CSMD1: variants seen among roughly 807,000 people sequenced by gnomAD.
CSMD1 encodes CUB and Sushi multiple domains 1, also known as CUB and sushi domain-containing protein 1.
CSMD1 carries 213 observed loss-of-function variants against 417.5 expected under a neutral mutation model. The ratio of observed to expected loss-of-function variants is 0.51; its 90% CI spans 0.46 to 0.57. The LOEUF (loss-of-function observed/expected upper bound fraction) is 0.57. CSMD1 is among the 20% of genes least tolerant of loss of function. The probability of loss-of-function intolerance (pLI) is 0.00; values close to 1 mark genes in which losing one functional copy is unlikely to be tolerated. For missense variants in CSMD1, 6,923 were observed against 4,529.7 expected (o/e 1.53, Z -15.17); for synonymous variants, 2,862 against 1,736.8 (o/e 1.65, Z -16.11).
intron 43 of CSMD1, among the ~76,000 whole-genome samples, chr8:3,109,096 C>T (rs1488713981): frequency 6.6e-6 from 1 of 152,120 alleles, no homozygotes; most frequent in East Asian, 1.9e-4. Flanking sequence ...GAAACCCTGT[C>T]TCTACTAAAA....
intron 2 of CSMD1, among the ~76,000 whole-genome samples, chr8:4,483,841 A>C (rs1163100755): frequency 1.3e-5 from 2 of 152,162 alleles, no homozygotes; most frequent in Non-Finnish European, 2.9e-5. Flanking sequence ...AAAATAACAA[A>C]ATATTTCTGG....
intron 3 of CSMD1, among the ~76,000 whole-genome samples, chr8:4,051,308 C>CAAAAAAAAAAAAAAA (rs5889012): frequency 7.1e-6 from 1 of 140,512 alleles, no homozygotes; most frequent in East Asian, 2.1e-4. Context: ...TTTGAAGACT[C>CAAAAAAAAAAAAAAA]AAAAAAAAAA....
chr8:3,342,597 C>G (rs17320990), intron 23 of CSMD1, among the ~76,000 whole-genome samples: 2 of 152,064 alleles, frequency 1.3e-5, no homozygotes, highest in Admixed American at 1.3e-4. Flanking sequence ...ACTTTTGAAA[C>G]ACAGCATCTC....
chr8:3,642,617 C>T (rs1797363543), intron 7 of CSMD1, among the ~76,000 whole-genome samples: 1 of 152,060 alleles, frequency 6.6e-6, no homozygotes, highest in East Asian at 1.9e-4. Flanking sequence ...AACCTGGCAT[C>T]GTGAGTGGAA....
At chr8:3,302,209 G>A (rs1057339733) in intron 25 of CSMD1, among the ~76,000 whole-genome samples, 1 of 152,184 alleles carries the variant, frequency 6.6e-6, no homozygotes, top group East Asian at 1.9e-4. Context: ...GAGGAGAGAT[G>A]TCAGGGAAGT....
chr8:3,615,947 T>C (rs1014880128), intron 8 of CSMD1, among the ~76,000 whole-genome samples: 1 of 152,224 alleles, frequency 6.6e-6, no homozygotes, highest in African/African-American at 2.4e-5. Flanking sequence ...ATCACTACTG[T>C]ATTCATAATG....
chr8:2,968,706 C>G (rs1656356608), intron 57 of CSMD1, among the ~76,000 whole-genome samples: 1 of 151,334 alleles, frequency 6.6e-6, no homozygotes, highest in African/African-American at 2.4e-5. Context: ...TAAGACAGGA[C>G]TAAGACTAAA....
chr8:3,801,376 T>C (rs1264281723), intron 5 of CSMD1, among the ~76,000 whole-genome samples: 1 of 152,142 alleles, frequency 6.6e-6, no homozygotes, highest in Non-Finnish European at 1.5e-5. Context: ...AGATCATTAG[T>C]CATTTAAGAA....
intron 7 of CSMD1, among the ~76,000 whole-genome samples, chr8:3,662,623 T>A (rs923141074): frequency 6.6e-6 from 1 of 152,154 alleles, no homozygotes; most frequent in African/African-American, 2.4e-5. Context: ...CACACTGTCT[T>A]CCAGAATGGT....
intron 5 of CSMD1, among the ~76,000 whole-genome samples, chr8:3,781,671 G>A (rs1199041225): frequency 6.6e-6 from 1 of 152,182 alleles, no homozygotes; most frequent in East Asian, 1.9e-4. Flanking sequence ...CAGGTGCCTA[G>A]GTTTCCATCC....
intron 3 of CSMD1, among the ~76,000 whole-genome samples, chr8:4,236,026 G>GTTTTTTTTT (rs147378202): frequency 8.3e-5 from 9 of 108,126 alleles, no homozygotes; most frequent in African/African-American, 3.8e-4. Flanking sequence ...AATGGATATT[G>GTTTTTTTTT]TTTTTTTTGT....
intron 12 of CSMD1, among the ~76,000 whole-genome samples, chr8:3,426,164 A>T (rs1435418727): frequency 6.6e-6 from 1 of 152,206 alleles, no homozygotes; most frequent in African/African-American, 2.4e-5. Context: ...TCCTTTCAAT[A>T]ACAGTAGATA....
intron 2 of CSMD1, among the ~76,000 whole-genome samples, chr8:4,535,830 C>T (rs1256923139): frequency 6.6e-6 from 1 of 152,134 alleles, no homozygotes; most frequent in East Asian, 1.9e-4. Context: ...GGAAATACAT[C>T]GTGAGTTCAC....
At chr8:4,597,892 T>C (rs1480142711) in intron 2 of CSMD1, among the ~76,000 whole-genome samples, 1 of 152,098 alleles carries the variant, frequency 6.6e-6, no homozygotes, top group Non-Finnish European at 1.5e-5. Flanking sequence ...TTAGGTAAGA[T>C]TTGGAGAATA....
chr8:4,607,262 A>C (rs967839748), intron 2 of CSMD1, among the ~76,000 whole-genome samples: 1 of 150,286 alleles, frequency 6.7e-6, no homozygotes, highest in Non-Finnish European at 1.5e-5. Flanking sequence ...GCTAGTGATA[A>C]GTAGAAAATA....
rs1428733528 is a variant in CSMD1, at chr8:4,911,845, CAAAT to C, written c.85+82483_85+82486del. 2.6e-5 allele frequency among the ~76,000 whole-genome samples: 4 copies of C among 152,024 alleles called. No individual in the cohort carries two copies. In the East Asian group the frequency reaches 5.8e-4, roughly 22 times the overall value. ...TTCACGGTGTTTTCTCATTTCTCTC[CAAAT>C]AAATTTGACAATTCCTCTCTGAGGC... is the stretch of plus-strand genomic sequence containing the variant. On this transcript the variant is annotated intron_variant, in intron 1 of 69. Transcript: ENST00000635120.
chr8:4,320,759 G>C (rs981025025), intron 3 of CSMD1, among the ~76,000 whole-genome samples: 1 of 151,966 alleles, frequency 6.6e-6, no homozygotes, highest in Non-Finnish European at 1.5e-5. Flanking sequence ...GTCTATCATT[G>C]ACGGGCATTT....
At chr8:3,784,142 C>T (rs1001561519) in intron 5 of CSMD1, among the ~76,000 whole-genome samples, 1 of 151,772 alleles carries the variant, frequency 6.6e-6, no homozygotes, top group African/African-American at 2.4e-5. Flanking sequence ...CTCTCTCTTT[C>T]TCTCTCTCAT....
intron 4 of CSMD1, among the ~76,000 whole-genome samples, chr8:4,023,085 G>A (rs1454117812): frequency 6.6e-6 from 1 of 152,110 alleles, no homozygotes; most frequent in Non-Finnish European, 1.5e-5. Flanking sequence ...ATGGCCTCAT[G>A]GTTGAGCTTC....
Sources: allele counts gnomAD v4.1 joint callset (sites outside exome capture counted in the v4.1 genomes callset), GRCh38; gene constraint gnomAD v4.1.1; transcripts MANE v1.5; gene names NCBI Gene and HGNC (gene_info 2026-07-23, HGNC 2026-07-21).